The following HPSE2 variants were observed in gnomAD, a reference collection of about 807,000 sequenced individuals.
The protein encoded by HPSE2 is heparanase 2 (inactive), also known as inactive heparanase-2.
In HPSE2, 38 loss-of-function variants were observed where a neutral mutation model predicts 60.5. The observed-to-expected ratio is 0.63, with a 90% CI of 0.48 to 0.82. HPSE2 has a LOEUF of 0.82. HPSE2 is among the 40% of genes least tolerant of loss of function. The pLI, the probability that HPSE2 is intolerant of heterozygous loss-of-function variation, is 0.00. For synonymous variants in HPSE2, 295 were observed against 293.2 expected (o/e 1.01, Z -0.06); for missense variants, 713 against 740.4 (o/e 0.96, Z 0.43).
At chr10:98,987,783 C>A (rs375675043) in intron 3 of HPSE2, among the ~76,000 whole-genome samples, 26 of 152,142 alleles carry the variant, frequency 1.7e-4, no homozygotes, top group South Asian at 8.3e-4. Context: ...GCTGATAAGC[C>A]ACTTCAGCAA....
chr10:98,666,579 G>C (rs1013430452), intron 6 of HPSE2, among the ~76,000 whole-genome samples: 11 of 152,024 alleles, frequency 7.2e-5, no homozygotes, highest in African/African-American at 2.7e-4. Flanking sequence ...ATAATACCAG[G>C]CATACTCTTG....
the HPSE2 span, among the ~76,000 whole-genome samples, chr10:99,299,162 G>T: frequency 3.3e-5 from 5 of 151,904 alleles, no homozygotes; most frequent in African/African-American, 1.2e-4. Context: ...TTCTGAGAGG[G>T]GCCCCACTAG....
chr10:99,132,759 C>T (rs568894458), intron 3 of HPSE2, among the ~76,000 whole-genome samples: 72 of 152,186 alleles, frequency 4.7e-4, no homozygotes, highest in Admixed American at 2.1e-3. Context: ...AGATTCCCTC[C>T]GGTCCCTACC....
Position 98,459,730 on chromosome 10 carries a change from T to C in HPSE2, c.1623A>G (p.Gln541=). 6.2e-7 allele frequency: 1 copy of C among 1,613,520 alleles called. No homozygotes were observed. Among genetic ancestry groups the C allele is most frequent in the Non-Finnish European group, 8.5e-7 (1 of 1,179,788 alleles). Residue 541 remains glutamine, a synonymous_variant, in exon 12 of 12, where the codon CAA becomes CAG. Coordinates refer to ENST00000370552, the MANE Select transcript of HPSE2 (RefSeq NM_021828.5). The part of the protein sequence containing the change: ...GQEGLKSKSV[Q]LNGQPLVMVD... ...CCATCACTAAGGGCTGGCCATTCAG[T>C]TGCACTGACCTACAGTGAGGAAAAA... is the stretch of plus-strand genomic sequence containing the variant.
At chr10:99,100,577 T>C (rs913674762) in intron 3 of HPSE2, among the ~76,000 whole-genome samples, 3 of 152,180 alleles carry the variant, frequency 2.0e-5, no homozygotes, top group Non-Finnish European at 4.4e-5. Context: ...TGCAGGATAT[T>C]AGCCAGGAGA....
chr10:98,936,978 C>CAAAA (rs1214450704), intron 3 of HPSE2, among the ~76,000 whole-genome samples: 8 of 31,014 alleles, frequency 2.6e-4, no homozygotes, highest in Non-Finnish European at 4.8e-4. Flanking sequence ...GACTCCATCT[C>CAAAA]AAAAAAAAAA....
chr10:99,152,959 G>C (rs1364994213), intron 2 of HPSE2, among the ~76,000 whole-genome samples: 1 of 152,258 alleles, frequency 6.6e-6, no homozygotes, highest in Non-Finnish European at 1.5e-5. Flanking sequence ...GGGTCAGGGA[G>C]TTCCCTTTCC....
At chr10:98,588,389 C>T (rs897655690) in intron 9 of HPSE2, among the ~76,000 whole-genome samples, 1 of 152,088 alleles carries the variant, frequency 6.6e-6, no homozygotes, top group Non-Finnish European at 1.5e-5. Flanking sequence ...TTTGACTTTT[C>T]ATATGGAGCT....
chr10:98,616,696 C>T (rs1945920617), intron 8 of HPSE2, among the ~76,000 whole-genome samples: 1 of 151,840 alleles, frequency 6.6e-6, no homozygotes, highest in African/African-American at 2.4e-5. Context: ...AAGCAAAACA[C>T]AAAAGTTTTA....
intron 2 of HPSE2, among the ~76,000 whole-genome samples, chr10:99,206,347 T>TC (rs1848745262): frequency 6.6e-6 from 1 of 152,140 alleles, no homozygotes; most frequent in Non-Finnish European, 1.5e-5. Flanking sequence ...ATGTCTGTAA[T>TC]CCCAGCAATT....
intron 2 of HPSE2, among the ~76,000 whole-genome samples, chr10:99,211,770 T>C (rs1463886835): frequency 6.6e-6 from 1 of 152,054 alleles, no homozygotes; most frequent in Non-Finnish European, 1.5e-5. Flanking sequence ...GAAGAACACA[T>C]ACAGGAAAAG....
At position 98,932,557 on chromosome 10, in the gene HPSE2, G is replaced by A. The variant is rs568228529; in HGVS notation, c.611-188501C>T. 1.1e-3 allele frequency among the ~76,000 whole-genome samples: 152 copies of A among 142,424 alleles called. 27 individuals carry two copies. The highest frequency in any genetic ancestry group is 4.1e-3 in the African/African-American group (142 of 34,888). 93.4% of individuals were successfully genotyped at this position (142,424 alleles called of 152,430 possible). On this transcript the variant is annotated intron_variant, in intron 3 of 11. Transcript: ENST00000370552. ...TCAGAAGAAATGGTACCAGCTCCTC[G>A]TTGTACCTCTGGTAGAATTCAGCTG...
At chr10:98,754,377 A>G (rs560155273) in intron 3 of HPSE2, among the ~76,000 whole-genome samples, 1 of 152,242 alleles carries the variant, frequency 6.6e-6, no homozygotes, top group East Asian at 1.9e-4. Flanking sequence ...GACCAAATCT[A>G]TGACTCGCTG....
At chr10:98,699,657 GAAGGAAATA>G (rs2134187936) in intron 5 of HPSE2, among the ~76,000 whole-genome samples, 1 of 124,208 alleles carries the variant, frequency 8.1e-6, no homozygotes, top group East Asian at 2.6e-4. Context: ...TTAGGCAGGA[GAAGGAAATA>G]AAGGGTATTC....
the HPSE2 span, among the ~76,000 whole-genome samples, chr10:99,306,070 A>G: frequency 6.6e-6 from 1 of 151,780 alleles, no homozygotes; most frequent in Non-Finnish European, 1.5e-5. Context: ...AAAATGAAGA[A>G]GACACAGACA....
At chr10:98,741,531 C>G (rs1949496749) in intron 4 of HPSE2, among the ~76,000 whole-genome samples, 1 of 151,126 alleles carries the variant, frequency 6.6e-6, no homozygotes, top group African/African-American at 2.4e-5. Context: ...TCTTCTCCAA[C>G]CCACCCCCGC....
intron 2 of HPSE2, among the ~76,000 whole-genome samples, chr10:99,177,838 G>A (rs987332380): frequency 6.6e-6 from 1 of 151,992 alleles, no homozygotes; most frequent in Non-Finnish European, 1.5e-5. Context: ...GCACCACATC[G>A]CACTTATTCT....
At position 98,852,145 on chromosome 10, in the gene HPSE2, GTGTGTGTGTGTGTGTGTGTGTATA is replaced by G. The variant is rs1459058357; in HGVS notation, c.611-108113_611-108090del. Among the ~76,000 whole-genome samples the G allele has an allele frequency of 5.1e-4, 71 of 139,208 alleles. 1 individual carries two copies. Among genetic ancestry groups the G allele is most frequent in the South Asian group, 4.1e-3 (15 of 3,626 alleles). 91.3% of individuals were successfully genotyped at this position (139,208 alleles called of 152,430 possible). A position where few individuals can be genotyped will look rare whatever the true frequency, so the allele number is the denominator to read the frequency against. On this transcript the variant is annotated intron_variant, in intron 3 of 11. Transcript: ENST00000370552. ...TGTGTGTGTGTGTGTGTGTGTGTGT[GTGTGTGTGTGTGTGTGTGTGTATA>G]TATGTTTGGTTTTCATCCATCCTTC...
chr10:98,573,288 T>G (rs1434214859), intron 9 of HPSE2, among the ~76,000 whole-genome samples: 1 of 152,226 alleles, frequency 6.6e-6, no homozygotes, highest in East Asian at 1.9e-4. Flanking sequence ...AATCTGGAAC[T>G]CACTTCTATT....
Sources: allele counts gnomAD v4.1 joint callset (sites outside exome capture counted in the v4.1 genomes callset), GRCh38; gene constraint gnomAD v4.1.1; transcripts MANE v1.5; gene names NCBI Gene and HGNC (gene_info 2026-07-23, HGNC 2026-07-21).